Variants in PRDM16 observed in about 807,000 individuals in gnomAD.
PRDM16 encodes the protein histone-lysine N-methyltransferase PRDM16.
PRDM16 carries 23 observed loss-of-function variants against 110.6 expected under a neutral mutation model. That is an observed-to-expected ratio of 0.21 (90% CI 0.15 to 0.29). The LOEUF (loss-of-function observed/expected upper bound fraction) is 0.29. PRDM16 is among the 10% of genes least tolerant of loss of function. The probability of loss-of-function intolerance (pLI) is 1.00; values close to 1 mark genes in which losing one functional copy is unlikely to be tolerated. For missense variants in PRDM16, 1,615 were observed against 1,794.3 expected, an observed-to-expected ratio of 0.90 and a Z score of 1.81; for synonymous variants, 799 against 781.8, an observed-to-expected ratio of 1.02 and a Z score of -0.37.
intron 1 of PRDM16, among the ~76,000 whole-genome samples, chr1:3,118,955 A>C (rs1251196627): frequency 6.6e-6 from 1 of 152,190 alleles, no homozygotes; most frequent in African/African-American, 2.4e-5. Context: ...TTTGGCAAGA[A>C]AACACCCTGG....
In PRDM16 at chr1:3,385,079, G is replaced by T; in HGVS notation, c.439-73G>T. ...TTGAGCCCAAACAGCCAGGTTTCTG[G>T]GTGGGCAGAGGCTGTGTGCAGACTC... is the stretch of plus-strand genomic sequence containing the variant. On this transcript the variant is annotated intron_variant, in intron 3 of 16. Transcript: ENST00000270722. 9 of 1,574,480 alleles carry T rather than the reference G, an allele frequency of 5.7e-6. No homozygotes were observed. In the South Asian group the frequency reaches 1.0e-4, roughly 18 times the overall value.
intron 2 of PRDM16, among the ~76,000 whole-genome samples, chr1:3,188,934 GC>G (rs375425502): frequency 9.9e-5 from 15 of 152,226 alleles, no homozygotes; most frequent in African/African-American, 3.6e-4. Context: ...CTCAGTTGGG[GC>G]CTTTGGGCAG....
Position 3,080,729 on chromosome 1 carries a change from G to C in PRDM16, c.37+11433G>C, listed in dbSNP as rs1344416166. 6.6e-6 allele frequency among the ~76,000 whole-genome samples: 1 copy of C among 152,186 alleles called. No homozygotes were observed. On this transcript the variant is annotated intron_variant, in intron 1 of 16. Coordinates refer to ENST00000270722, the MANE Select transcript of PRDM16 (RefSeq NM_022114.4). This position sits in a 1 kb window ranked among gnomAD's most constrained non-coding sequence, Gnocchi z 5.2. ...CCCCTCGGACCGGGCAACTGCTCCT[G>C]GATTTCTGTTCCGAGGAACATGTTG... is the stretch of plus-strand genomic sequence containing the variant.
At chr1:3,202,090 G>T (rs1638642706) in intron 2 of PRDM16, among the ~76,000 whole-genome samples, 1 of 149,834 alleles carries the variant, frequency 6.7e-6, no homozygotes, top group Non-Finnish European at 1.5e-5. Flanking sequence ...GCACATCCAG[G>T]AAGCAGCGCC....
At chr1:3,297,565 C>G (rs986353581) in intron 3 of PRDM16, among the ~76,000 whole-genome samples, 1 of 152,060 alleles carries the variant, frequency 6.6e-6, no homozygotes, top group Non-Finnish European at 1.5e-5. Context: ...ATTGCAGGTG[C>G]GAACCACTGC....
chr1:3,335,646 T>A (rs2100498607), intron 3 of PRDM16, among the ~76,000 whole-genome samples: 1 of 88,966 alleles, frequency 1.1e-5, no homozygotes, highest in South Asian at 3.2e-4. Context: ...CACACACCCT[T>A]GGACATAAAT....
At chr1:3,307,054 G>A (rs1383026437) in intron 3 of PRDM16, 1 of 152,230 alleles carries the variant, frequency 6.6e-6, no homozygotes, top group African/African-American at 2.4e-5. Context: ...GTATGGAGGG[G>A]CCACATTGTG....
At chr1:3,403,137 C>T (rs1643503231) in intron 6 of PRDM16, 139 bp downstream of exon 6, 8 of 792,902 alleles carry the variant, frequency 1.0e-5, no homozygotes, top group Admixed American at 2.2e-5. Flanking sequence ...CAAAGGGCCC[C>T]CTGGTGGGAC....
At chr1:3,335,925 C>T (rs574731460) in intron 3 of PRDM16, among the ~76,000 whole-genome samples, 8 of 152,200 alleles carry the variant, frequency 5.3e-5, no homozygotes, top group Non-Finnish European at 1.0e-4. Context: ...CAGCCCTGCT[C>T]GCTCTCTCTG....
At chr1:3,158,657 T>C (rs1369895922) in intron 1 of PRDM16, among the ~76,000 whole-genome samples, 1 of 151,864 alleles carries the variant, frequency 6.6e-6, no homozygotes, top group Admixed American at 6.6e-5. Context: ...TTTTTCTTTT[T>C]CTTTTTTCTC....
chr1:3,324,645 T>C (rs1420952430), intron 3 of PRDM16, among the ~76,000 whole-genome samples: 1 of 150,386 alleles, frequency 6.6e-6, no homozygotes, highest in Non-Finnish European at 1.5e-5. Flanking sequence ...ACCCAAGCAC[T>C]GAGGCCCTGG....
chr1:3,294,951 C>T (rs11805677), intron 3 of PRDM16, among the ~76,000 whole-genome samples: 22,830 of 152,274 alleles, frequency 0.15, 5,567 homozygotes, highest in African/African-American at 0.51. Context: ...TGTCAGGCCC[C>T]GTCTCAGGGA....
rs1642541264 is a variant in PRDM16 at position 3,353,836 on chromosome 1, G to A, written c.439-31316G>A. Among the ~76,000 whole-genome samples, 1 of 152,146 alleles carries A rather than the reference G, an allele frequency of 6.6e-6. No individual in the cohort carries two copies. ...GGGACCCCTGCTCCCAGCGGAGCCA[G>A]TAGTGATGACAGGCGCAGCTGGGAG... is the stretch of plus-strand genomic sequence containing the variant. On this transcript the variant is annotated intron_variant, in intron 3 of 16. Transcript: ENST00000270722. This position sits in a 1 kb window ranked among gnomAD's most constrained non-coding sequence, Gnocchi z 5.4.
At chr1:3,074,011 G>C (rs1462633562) in intron 1 of PRDM16, among the ~76,000 whole-genome samples, 1 of 152,220 alleles carries the variant, frequency 6.6e-6, no homozygotes, top group South Asian at 2.1e-4. Context: ...GCGCCGCCTG[G>C]GTTTAAGTAG....
rs1346117673 is a variant in PRDM16 at position 3,411,739 on chromosome 1, C to T, written c.1542C>T (p.Phe514=). The change falls in exon 9 of 17, where the codon TTC becomes TTT. Residue 514 remains phenylalanine (F), a synonymous_variant. Transcript: ENST00000270722. ...CGTTCCCCGCACTCACCCCCGGCTT[C>T]CCGGGCATCTTCCCTCCATCCTTGT... ...PPTFPALTPG[F]PGIFPPSLYP... is the part of the protein sequence containing the mutation. 6.2e-7 allele frequency: 1 copy of T among 1,611,892 alleles called. No individual in the cohort carries two copies. Among genetic ancestry groups the T allele is most frequent in the Non-Finnish European group, 8.5e-7 (1 of 1,179,150 alleles).
intron 3 of PRDM16, among the ~76,000 whole-genome samples, chr1:3,324,445 C>T (rs576025090): frequency 2.0e-5 from 3 of 152,332 alleles, no homozygotes; most frequent in Admixed American, 2.0e-4. Flanking sequence ...TGGCTGGGCT[C>T]AGGGTCCTCG....
chr1:3,296,796 T>C (rs2100376514), intron 3 of PRDM16, among the ~76,000 whole-genome samples: 1 of 152,354 alleles, frequency 6.6e-6, no homozygotes, highest in East Asian at 1.9e-4. Flanking sequence ...TAAGTGCAGA[T>C]GTTCCTGGAC....
At chr1:3,146,051 C>T (rs565159118) in intron 1 of PRDM16, among the ~76,000 whole-genome samples, 16 of 152,304 alleles carry the variant, frequency 1.1e-4, no homozygotes, top group South Asian at 2.1e-4. Flanking sequence ...CCGTTTTCTG[C>T]GGGACAGAGG....
At chr1:3,306,812 A>G (rs1233939579) in intron 3 of PRDM16, 1 of 152,162 alleles carries the variant, frequency 6.6e-6, no homozygotes, top group Non-Finnish European at 1.5e-5. Flanking sequence ...CACACCTATT[A>G]GTACTCACTC....
Sources: allele counts gnomAD v4.1 joint callset (sites outside exome capture counted in the v4.1 genomes callset), GRCh38; gene constraint gnomAD v4.1.1; non-coding constraint Gnocchi (gnomAD v3.1); transcripts MANE v1.5; gene names NCBI Gene and HGNC (gene_info 2026-07-23, HGNC 2026-07-21).